Variants in CADM2 observed in about 807,000 individuals in gnomAD.
CADM2 encodes the protein cell adhesion molecule 2.
In CADM2, 12 loss-of-function variants were observed where a neutral mutation model predicts 49.8. The ratio of observed to expected loss-of-function variants is 0.24; its 90% CI spans 0.15 to 0.39. The LOEUF is 0.39. Among genes scored for constraint, CADM2 ranks in the 10% least tolerant of loss-of-function variants. The probability of loss-of-function intolerance (pLI) is 1.00; values close to 1 mark genes in which losing one functional copy is unlikely to be tolerated. For synonymous variants in CADM2, 214 were observed against 175.4 expected (o/e 1.22, Z -1.74); for missense variants, 378 against 492.3 (o/e 0.77, Z 2.20).
chr3:85,209,742 A>T (rs559500986), intron 1 of CADM2, among the ~76,000 whole-genome samples: 1 of 152,070 alleles, frequency 6.6e-6, no homozygotes, highest in Non-Finnish European at 1.5e-5. Context: ...GTTTCCAATT[A>T]GTCTGAAAGT....
intron 1 of CADM2, among the ~76,000 whole-genome samples, chr3:85,530,225 CAT>C (rs2061268096): frequency 6.6e-6 from 1 of 151,786 alleles, no homozygotes; most frequent in Admixed American, 6.6e-5. Flanking sequence ...CCACATAAGA[CAT>C]GTCTCTTCCT....
intron 1 of CADM2, among the ~76,000 whole-genome samples, chr3:85,231,985 G>C (rs963124972): frequency 1.3e-5 from 2 of 151,772 alleles, no homozygotes; most frequent in Non-Finnish European, 2.9e-5. Context: ...AAAGTGCTGG[G>C]ATTACAGACG....
intron 2 of CADM2, among the ~76,000 whole-genome samples, chr3:85,785,150 T>G (rs1462923937): frequency 6.6e-6 from 1 of 152,170 alleles, no homozygotes; most frequent in Non-Finnish European, 1.5e-5. Flanking sequence ...ATCTCTGATT[T>G]CATTTACTTG....
intron 5 of CADM2, among the ~76,000 whole-genome samples, chr3:85,900,039 T>C (rs978396475): frequency 6.6e-6 from 1 of 152,204 alleles, no homozygotes; most frequent in Non-Finnish European, 1.5e-5. Flanking sequence ...CAAATTCTTT[T>C]GCATGGGTTC....
At chr3:85,016,172 A>G (rs2034239914) in intron 1 of CADM2, among the ~76,000 whole-genome samples, 1 of 152,186 alleles carries the variant, frequency 6.6e-6, no homozygotes, top group Non-Finnish European at 1.5e-5. Context: ...TGCCAGGTAG[A>G]TTCATTCCTA....
intron 2 of CADM2, among the ~76,000 whole-genome samples, chr3:85,774,465 G>C (rs919396005): frequency 6.6e-6 from 1 of 151,758 alleles, no homozygotes; most frequent in Non-Finnish European, 1.5e-5. Context: ...TATGTAGATA[G>C]TCCAGAAGTG....
chr3:85,793,378 A>AG (rs1158838715), intron 2 of CADM2, among the ~76,000 whole-genome samples: 2 of 152,184 alleles, frequency 1.3e-5, no homozygotes, highest in African/African-American at 4.8e-5. Context: ...CACAGAGTAG[A>AG]GGAAAAAAGG....
intron 2 of CADM2, among the ~76,000 whole-genome samples, chr3:85,758,143 G>A (rs2069204811): frequency 6.6e-6 from 1 of 152,140 alleles, no homozygotes; most frequent in South Asian, 2.1e-4. Context: ...GTAGCACAGA[G>A]TTCCGTAAAT....
chr3:85,676,175 A>T (rs1431090594), intron 1 of CADM2, among the ~76,000 whole-genome samples: 1 of 152,200 alleles, frequency 6.6e-6, no homozygotes, highest in Non-Finnish European at 1.5e-5. Flanking sequence ...AACAGAGCCC[A>T]TTAATTCCAT....
intron 1 of CADM2, among the ~76,000 whole-genome samples, chr3:85,553,630 A>G (rs1350882077): frequency 6.6e-6 from 1 of 152,230 alleles, no homozygotes; most frequent in Non-Finnish European, 1.5e-5. Context: ...ATAAGACTCC[A>G]GGAAGAGTAT....
intron 1 of CADM2, among the ~76,000 whole-genome samples, chr3:85,492,254 T>A (rs935870412): frequency 5.9e-5 from 9 of 152,200 alleles, no homozygotes; most frequent in African/African-American, 1.2e-4. Context: ...TTTGTTCCCT[T>A]TCTTTTTGAT....
intron 1 of CADM2, among the ~76,000 whole-genome samples, chr3:85,688,656 C>G (rs1488975276): frequency 6.6e-6 from 1 of 151,734 alleles, no homozygotes; most frequent in African/African-American, 2.4e-5. Context: ...CAACCTCCAC[C>G]TCCTTTGTTC....
At chr3:85,059,318 TAAAAA>T (rs200486059) in intron 1 of CADM2, among the ~76,000 whole-genome samples, 1 of 144,354 alleles carries the variant, frequency 6.9e-6, no homozygotes, top group African/African-American at 2.5e-5. Flanking sequence ...AATAAAAAAA[TAAAAA>T]AAAAAACAAC....
intron 8 of CADM2, chr3:85,993,783 G>A (rs1472564074): frequency 6.6e-6 from 1 of 151,182 alleles, no homozygotes. Flanking sequence ...ATCTTGAAAG[G>A]AATCTTTTTT....
intron 1 of CADM2, among the ~76,000 whole-genome samples, chr3:85,060,319 G>C (rs113454040): frequency 6.6e-6 from 1 of 151,968 alleles, no homozygotes; most frequent in African/African-American, 2.4e-5. Flanking sequence ...GTAGAGACGG[G>C]TTTCACCAGG....
chr3:85,115,269 T>C (rs1236614343), intron 1 of CADM2, among the ~76,000 whole-genome samples: 3 of 152,196 alleles, frequency 2.0e-5, no homozygotes, highest in African/African-American at 7.2e-5. Context: ...ATAAGCAGAA[T>C]TTTAAAATGA....
chr3:85,606,733 C>T (rs73843690), intron 1 of CADM2, among the ~76,000 whole-genome samples: 1,703 of 151,548 alleles, frequency 0.011, 36 homozygotes, highest in African/African-American at 0.039. Context: ...GGTGGAAGAA[C>T]GGAATGTGAA....
intron 3 of CADM2, among the ~76,000 whole-genome samples, chr3:85,875,011 G>T (rs1366946416): frequency 1.3e-5 from 2 of 152,078 alleles, no homozygotes; most frequent in Non-Finnish European, 2.9e-5. Flanking sequence ...CAGATGTATT[G>T]CTTAGGTTCT....
chr3:86,047,834 C>A (rs942625826), intron 8 of CADM2, among the ~76,000 whole-genome samples: 2 of 152,104 alleles, frequency 1.3e-5, no homozygotes, highest in African/African-American at 4.8e-5. Flanking sequence ...GGGTCTTAGA[C>A]AACTTCTACA....
Sources: gnomAD v4.1 joint callset for allele counts (sites outside exome capture counted in the v4.1 genomes callset) on GRCh38, gnomAD v4.1.1 for gene constraint, MANE v1.5 for transcripts, NCBI Gene and HGNC (gene_info 2026-07-23, HGNC 2026-07-21) for gene names.